Variants in DNAH17 observed in about 807,000 individuals in gnomAD.
DNAH17 encodes the protein axonemal beta dynein heavy chain 17.
A neutral mutation model predicts 485.6 loss-of-function variants in DNAH17; 376 were observed. That is an observed-to-expected ratio of 0.77 (90% confidence interval 0.71 to 0.84). DNAH17 has a LOEUF of 0.84. Ranked by LOEUF, DNAH17 falls within the 40% of genes least tolerant of loss-of-function variation. DNAH17 has a pLI of 0.00. For synonymous variants in DNAH17, 3,031 were observed against 2,405.9 expected (o/e 1.26, Z -7.60); for missense variants, 6,370 against 5,839.3 (o/e 1.09, Z -2.96).
chr17:78,543,948 G>C lies in DNAH17; in HGVS notation c.2441C>G (p.Ala814Gly), dbSNP rs760481328. ...LFERKDNKKE[A>G]LLDLDGRIAN... ...AATTCTTCCATCCAAGTCTAACAGG[G>C]CCTCTTTCTTATTGTCCTTTCTTTC... Residue 814 changes from alanine to glycine, a missense_variant, in exon 17 of 81, where the codon GCC (alanine) becomes GGC (glycine). Coordinates refer to ENST00000389840, the MANE Select transcript of DNAH17 (RefSeq NM_173628.4). 2.5e-6 allele frequency: 4 copies of C among 1,613,926 alleles called. No homozygotes were observed. The African/African-American group carries it at 4.0e-5, about 16-fold the overall frequency.
chr17:78,563,213 G>A (rs1002577715), intron 11 of DNAH17, among the ~76,000 whole-genome samples: 2 of 151,996 alleles, frequency 1.3e-5, no homozygotes, highest in Admixed American at 1.3e-4. Flanking sequence ...ATTTCTCCTG[G>A]GCTTAGAAAA....
intron 18 of DNAH17, among the ~76,000 whole-genome samples, chr17:78,538,383 A>T (rs2091434881): frequency 6.6e-6 from 1 of 152,108 alleles, no homozygotes; most frequent in East Asian, 1.9e-4. Context: ...CTTCCTGCCA[A>T]ACTAACGATT....
At chr17:78,476,279 C>A (rs1028719418) in intron 52 of DNAH17, among the ~76,000 whole-genome samples, 1 of 150,248 alleles carries the variant, frequency 6.7e-6, no homozygotes, top group African/African-American at 2.5e-5. Context: ...TCGCGTGGAA[C>A]CCTCGGACCC....
intron 14 of DNAH17, among the ~76,000 whole-genome samples, chr17:78,553,286 T>G (rs1197480675): frequency 1.6e-3 from 37 of 22,974 alleles, no homozygotes; most frequent in African/African-American, 6.2e-3. Flanking sequence ...TTTTTGTGTT[T>G]TTTTTTTTTT....
intron 48 of DNAH17, 129 bp downstream of exon 48, chr17:78,484,739 A>ACCCCCCCTGCCCCCCCCC: frequency 5.8e-6 from 2 of 347,798 alleles, no homozygotes; most frequent in Non-Finnish European, 9.1e-6. Context: ...ACGTTGCAGC[A>ACCCCCCCTGCCCCCCCCC]CCCCCCCCAC....
Position 78,427,033 on chromosome 17 carries a change from C to T in DNAH17, c.12664G>A (p.Ala4222Thr). 6.2e-7 allele frequency: 1 copy of T among 1,605,292 alleles called. No homozygotes were observed. ...FNMAEIMAKA[A>T]EKTPYVVVAF... ...ACTACCACGTAGGGGGTCTTTTCCG[C>T]TGCCTTTGCCATGATCTCAGCCATG... Residue 4222 changes from alanine to threonine, a missense_variant, in exon 78 of 81, where the codon GCG becomes ACG. Ala to Thr is a moderately conservative substitution (Grantham distance 58). Transcript: ENST00000389840.
intron 47 of DNAH17, 153 bp from the exon 48 acceptor site, chr17:78,485,186 T>A: frequency 1.0e-6 from 1 of 963,008 alleles, no homozygotes; most frequent in Non-Finnish European, 1.5e-6. Context: ...GAGTGGCCCT[T>A]GAGGGGGCAC....
chr17:78,434,245 G>A, intron 74 of DNAH17, 25 bp from the exon 75 acceptor site: 1 of 1,579,352 alleles, frequency 6.3e-7, no homozygotes, highest in Non-Finnish European at 8.6e-7. Flanking sequence ...CTCCGGTCAG[G>A]TATTAGGGAG....
Position 78,514,782 on chromosome 17 carries a change from C to T in DNAH17, c.4105G>A (p.Ala1369Thr), listed in dbSNP as rs2090736045. The T allele has an allele frequency of 6.2e-7, 1 of 1,613,696 alleles. No individual in the cohort carries two copies. The highest frequency in any genetic ancestry group is 1.1e-5 in the South Asian group (1 of 91,080). Residue 1369 changes from alanine (A) to threonine (T), a missense_variant, in exon 26 of 81, where the codon GCC becomes ACC. By Grantham distance (58) the Ala-to-Thr change is moderately conservative. Coordinates refer to ENST00000389840, the MANE Select transcript of DNAH17 (RefSeq NM_173628.4). The part of the protein sequence containing the change: ...RERHWQQLMQ[A>T]TQVKFKMSEE... ...ACCATGGTGCATGGTACCTGGGTGG[C>T]CTGCATGAGCTGCTGCCAGTGGCGT...
chr17:78,465,771 C>T lies in DNAH17; in HGVS notation c.8940+884G>A, dbSNP rs529145155. On this transcript the variant is annotated intron_variant, in intron 56 of 80. Transcript: ENST00000389840. ...CCGGGAGGGAGGTGGGGGCGGTCAG[C>T]CCCCGCCAGGCCAGCCGCCCCGTCC... Among the ~76,000 whole-genome samples the T allele has an allele frequency of 1.0e-2, 1,406 of 141,128 alleles. 50 individuals are homozygous for T. Among genetic ancestry groups the T allele is most frequent in the African/African-American group, 0.042 (1,351 of 31,830 alleles). The allele number at this position is 141,128 out of a possible 152,430, so 92.6% of individuals were successfully genotyped here.
chr17:78,553,283 G>GGTTTTT lies in DNAH17; in HGVS notation c.2179-479_2179-478insAAAAAC, dbSNP rs2091944708. On this transcript the variant is annotated intron_variant, in intron 14 of 80. Transcript: ENST00000389840. ...AAATTACCCAGTCCCAGGTTTTTGT[G>GGTTTTT]TTTTTTTTTTTTTTTTTTTTTTTTT... Among the ~76,000 whole-genome samples, 211 of 51,024 alleles carry GGTTTTT rather than the reference G, an allele frequency of 4.1e-3. 36 individuals are homozygous for GGTTTTT. Among genetic ancestry groups the GGTTTTT allele is most frequent in the African/African-American group, 7.1e-3 (79 of 11,098 alleles). The allele number at this position is 51,024 out of a possible 152,430, so 33.5% of individuals were successfully genotyped here.
At chr17:78,479,771 C>T (rs2146617456) in intron 49 of DNAH17, 139 bp from the exon 50 acceptor site, 1 of 1,142,036 alleles carries the variant, frequency 8.8e-7, no homozygotes, top group East Asian at 2.5e-5. Flanking sequence ...CAGTTACCCT[C>T]CTTGTGCCTT....
chr17:78,452,799 A>T (rs1598473029), intron 65 of DNAH17, among the ~76,000 whole-genome samples: 1 of 152,326 alleles, frequency 6.6e-6, no homozygotes, highest in Non-Finnish European at 1.5e-5. Context: ...ATGTTGCTTG[A>T]TTCTCTTCAG....
rs1417258413 is a variant in DNAH17, at chr17:78,458,993, G to A, written c.9861+8C>T. 1 of 1,613,750 alleles carries A rather than the reference G, an allele frequency of 6.2e-7. No individual in the cohort carries two copies. Among genetic ancestry groups the A allele is most frequent in the Admixed American group, 1.7e-5 (1 of 60,010 alleles). On this transcript the variant is annotated splice_region_variant and intron_variant, in intron 61 of 80. Transcript: ENST00000389840. The stretch of plus-strand genomic sequence containing the variant: ...GTTTCGCAGGGACGGGAGCGAGCCG[G>A]CACTTACGGCAATCTTGTTTTTGAT...
intron 75 of DNAH17, 106 bp downstream of exon 75, chr17:78,433,923 A>AGGAAGCAGGGAG: frequency 1.8e-6 from 1 of 553,066 alleles, no homozygotes; most frequent in Non-Finnish European, 2.8e-6. Context: ...AAGGGAGGGA[A>AGGAAGCAGGGAG]GGAAGGAGGG....
chr17:78,560,696 G>C (rs557211340), intron 13 of DNAH17, 44 bp downstream of exon 13: 7 of 1,500,402 alleles, frequency 4.7e-6, no homozygotes, highest in South Asian at 3.9e-5. Flanking sequence ...CCCTCCCCCC[G>C]CTCCCAAGGA....
chr17:78,481,302 AC>A (rs1555669434), intron 48 of DNAH17, among the ~76,000 whole-genome samples: 3 of 125,066 alleles, frequency 2.4e-5, no homozygotes, highest in Non-Finnish European at 3.4e-5. Context: ...ACTGGGTTTC[AC>A]CGTGTTAGCC....
chr17:78,432,923 T>C, intron 75 of DNAH17, among the ~76,000 whole-genome samples: 1 of 79,114 alleles, frequency 1.3e-5, no homozygotes, highest in African/African-American at 5.7e-5. Flanking sequence ...CCGACCCCGG[T>C]GCCAGCACCG....
intron 34 of DNAH17, 185 bp downstream of exon 34, chr17:78,501,557 C>G: frequency 1.0e-6 from 1 of 995,366 alleles, no homozygotes; most frequent in African/African-American, 1.6e-5. Context: ...CACCGCTCAT[C>G]TGACTGCTGT....
Sources: allele counts gnomAD v4.1 joint callset (sites outside exome capture counted in the v4.1 genomes callset), GRCh38; gene constraint gnomAD v4.1.1; transcripts MANE v1.5; gene names NCBI Gene and HGNC (gene_info 2026-07-23, HGNC 2026-07-21).